TBRG4: variants seen among roughly 807,000 people sequenced by gnomAD.
TBRG4 encodes transforming growth factor beta regulator 4.
TBRG4 carries 43 observed loss-of-function variants against 65.6 expected under a neutral mutation model. That is an observed-to-expected ratio of 0.66 (90% CI 0.51 to 0.85). The LOEUF is 0.85. Ranked by LOEUF, TBRG4 falls within the 40% of genes least tolerant of loss-of-function variation. TBRG4 has a pLI of 0.00. For synonymous variants in TBRG4, 366 were observed against 341.4 expected, an observed-to-expected ratio of 1.07 and a Z score of -0.79; for missense variants, 709 against 787.9, an observed-to-expected ratio of 0.90 and a Z score of 1.20.
At chr7:45,104,804 CCT>C (rs1048595627) in intron 3 of TBRG4, 95 bp from the exon 4 acceptor site, 103 of 1,539,846 alleles carry the variant, frequency 6.7e-5, no homozygotes, top group Non-Finnish European at 8.2e-5. Flanking sequence ...CAGTGCAGCC[CCT>C]GTGACAGCCC....
In TBRG4 at chr7:45,105,671, C is replaced by T; in HGVS notation, c.505G>A (p.Glu169Lys). 1.2e-6 allele frequency: 2 copies of T among 1,614,076 alleles called. No homozygotes were observed. Among genetic ancestry groups the T allele is most frequent in the South Asian group, 2.2e-5 (2 of 91,084 alleles). The change falls in exon 3 of 11, where the codon GAG becomes AAG. Residue 169 changes from glutamate (E) to lysine (K), a missense_variant. Coordinates refer to ENST00000258770, the MANE Select transcript of TBRG4 (RefSeq NM_004749.4). ...PKASKELQSVEQEVRWRMRKL... is the reference protein window; with the variant it reads ...PKASKELQSVKQEVRWRMRKL... ...CGCATGCGCCAGCGGACCTCCTGCT[C>T]CACCGACTGCAGCTCCTTGGAGGCC... is the stretch of plus-strand genomic sequence containing the variant.
chr7:45,107,611 G>C lies in TBRG4; in HGVS notation c.411+1216C>G, dbSNP rs1251225900. On this transcript the variant is annotated intron_variant, in intron 2 of 10. Transcript: ENST00000258770. ...AGAAGCTGCTGTCTGAAGGGCTGGG[G>C]AGGAGGGAGAAAGTACTGGAGTAAA... 7.8e-5 allele frequency: 12 copies of C among 154,078 alleles called. No individual in the cohort carries two copies. In the East Asian group the frequency reaches 2.1e-3, roughly 27 times the overall value. 9.5% of individuals were successfully genotyped at this position (154,078 alleles called of 1,614,324 possible). A position where few individuals can be genotyped will look rare whatever the true frequency, so the allele number is the denominator to read the frequency against.
Position 45,105,512 on chromosome 7 carries a change from G to A in TBRG4, c.664C>T (p.His222Tyr). The stretch of plus-strand genomic sequence containing the variant: ...TTCATCATGACGGTCACTAATGTGT[G>A]GGAATCTTCAATTTCTGTCCAACGC... The part of the protein sequence containing the change: ...ERRWTEIEDS[H>Y]TLVTVMMKVG... Residue 222 changes from histidine (H) to tyrosine (Y), a missense_variant, in exon 3 of 11, where the codon CAC becomes TAC. Physicochemically the swap from His to Tyr is moderately conservative, Grantham distance 83. Coordinates refer to ENST00000258770, the MANE Select transcript of TBRG4 (RefSeq NM_004749.4). The A allele has an allele frequency of 3.1e-6, 5 of 1,614,160 alleles. No individual in the cohort carries two copies. The highest frequency in any genetic ancestry group is 1.3e-5 in the African/African-American group (1 of 75,058).
Position 45,111,659 on chromosome 7 carries a change from C to G in TBRG4, c.-67G>C. On this transcript the variant is annotated 5_prime_UTR_variant, in exon 1 of 11. Transcript: ENST00000258770. ...AAGACCTACGCAGCGAGCACCACCG[C>G]TGACCTCCATCCGCCGCCCTAACTG... The G allele has an allele frequency of 7.8e-7, 1 of 1,289,482 alleles. No individual in the cohort carries two copies. The highest frequency in any genetic ancestry group is 1.0e-6 in the Non-Finnish European group (1 of 988,870). 79.9% of individuals were successfully genotyped at this position (1,289,482 alleles called of 1,614,324 possible). A position where few individuals can be genotyped will look rare whatever the true frequency, so the allele number is the denominator to read the frequency against.
intron 10 of TBRG4, 113 bp downstream of exon 10, chr7:45,101,145 G>T: frequency 2.9e-6 from 3 of 1,023,292 alleles, no homozygotes; most frequent in Non-Finnish European, 4.2e-6. Context: ...GAGGCCCGGG[G>T]CCACGGGCAG....
At chr7:45,105,178 G>GA (rs1784900491) in intron 3 of TBRG4, 2 of 621,082 alleles carry the variant, frequency 3.2e-6, no homozygotes, top group East Asian at 5.5e-5. Flanking sequence ...GGGTTTGGGG[G>GA]AAAGATAAAG....
intron 1 of TBRG4, chr7:45,110,754 A>G (rs1785103388): frequency 6.6e-6 from 1 of 152,122 alleles, no homozygotes. Context: ...CCTAGGCCTC[A>G]TTTCTGCCAA....
chr7:45,102,290 G>A, intron 7 of TBRG4, 57 bp downstream of exon 7: 1 of 1,609,616 alleles, frequency 6.2e-7, no homozygotes, highest in Non-Finnish European at 8.5e-7. Flanking sequence ...CCTGGCACTA[G>A]GCAGACAAGA....
At chr7:45,110,572 C>A (rs536778030) in intron 1 of TBRG4, among the ~76,000 whole-genome samples, 17 of 149,548 alleles carry the variant, frequency 1.1e-4, no homozygotes, top group Middle Eastern at 3.4e-3. Context: ...GAGGGTGAGG[C>A]AGAGCTTGAA....
intron 1 of TBRG4, among the ~76,000 whole-genome samples, chr7:45,110,590 G>A (rs1173114630): frequency 6.6e-6 from 1 of 150,382 alleles, no homozygotes; most frequent in Non-Finnish European, 1.5e-5. Context: ...GAAGTGAGCC[G>A]AGATCGCGCC....
intron 10 of TBRG4, among the ~76,000 whole-genome samples, chr7:45,101,042 T>C (rs1584023536): frequency 6.6e-6 from 1 of 152,364 alleles, no homozygotes; most frequent in Non-Finnish European, 1.5e-5. Flanking sequence ...GTTGCCTTTT[T>C]GGGTTCACCC....
rs766470605 is a variant in TBRG4 at position 45,102,484 on chromosome 7, T to C, written c.1184A>G (p.Glu395Gly). Reference protein sequence around the residue: ...QEDQFFSLVHEKLGSELPGLE... With the variant: ...QEDQFFSLVHGKLGSELPGLE... ...GCCTGGCAGCTCTGACCCCAGCTTC[T>C]CATGTACCTGGGCAAGGATAGAGTG... The change falls in exon 7 of 11, where the codon GAG (glutamate) becomes GGG (glycine). Residue 395 changes from glutamate (E) to glycine (G), a missense_variant. By Grantham distance (98) the Glu-to-Gly change is moderately conservative. Coordinates refer to ENST00000258770, the MANE Select transcript of TBRG4 (RefSeq NM_004749.4). 6.2e-7 allele frequency: 1 copy of C among 1,610,120 alleles called. No homozygotes were observed. Among genetic ancestry groups the C allele is most frequent in the South Asian group, 1.1e-5 (1 of 91,014 alleles).
chr7:45,110,261 G>A (rs1388210028), intron 1 of TBRG4, among the ~76,000 whole-genome samples: 4 of 152,120 alleles, frequency 2.6e-5, no homozygotes, highest in Admixed American at 2.6e-4. Context: ...CTTGTTATCT[G>A]GGTCTCCTCC....
chr7:45,104,502 C>T (rs1197503774), intron 4 of TBRG4, 36 bp downstream of exon 4: 1 of 1,613,546 alleles, frequency 6.2e-7, no homozygotes, highest in Non-Finnish European at 8.5e-7. Context: ...AGGGCCAGCG[C>T]TCCCCTCTCT....
At chr7:45,105,000 C>A (rs777853504) in intron 3 of TBRG4, 5 of 741,758 alleles carry the variant, frequency 6.7e-6, no homozygotes, top group Admixed American at 5.2e-5. Context: ...CTGGGCCAGC[C>A]CCCGCTATGA....
chr7:45,108,883 C>A lies in TBRG4; in HGVS notation c.355G>T (p.Gly119Cys). 6.3e-7 allele frequency: 1 copy of A among 1,577,938 alleles called. No homozygotes were observed. Among genetic ancestry groups the A allele is most frequent in the Non-Finnish European group, 8.6e-7 (1 of 1,165,424 alleles). ...HLLSEKPEDK[G>C]LLIQDAHFHQ... is the part of the protein sequence containing the mutation. Reference sequence around the variant, plus strand: ...AAGTGGGCATCCTGTATGAGCAAGCCTTTATCTTCTGGCTTCTCAGACAGC... The same window carrying A: ...AAGTGGGCATCCTGTATGAGCAAGCATTTATCTTCTGGCTTCTCAGACAGC... The change falls in exon 2 of 11, where the codon GGC becomes TGC. Residue 119 changes from glycine (G) to cysteine (C), a missense_variant. By Grantham distance (159) the Gly-to-Cys change is radical. Coordinates refer to ENST00000258770, the MANE Select transcript of TBRG4 (RefSeq NM_004749.4).
chr7:45,103,204 C>A, intron 6 of TBRG4, 129 bp downstream of exon 6: 1 of 719,166 alleles, frequency 1.4e-6, no homozygotes, highest in Middle Eastern at 2.6e-4. Flanking sequence ...GTTCCCCCTG[C>A]CCTCCCATGC....
At chr7:45,103,768 C>A in intron 5 of TBRG4, 1 of 518,130 alleles carries the variant, frequency 1.9e-6, no homozygotes, top group East Asian at 3.3e-5. Flanking sequence ...TCTTTCTGTA[C>A]AGTTCCACTT....
chr7:45,108,521 G>A (rs1414423597), intron 2 of TBRG4, among the ~76,000 whole-genome samples: 1 of 152,190 alleles, frequency 6.6e-6, no homozygotes, highest in Non-Finnish European at 1.5e-5. Flanking sequence ...TACAAGTCAA[G>A]ACTATATGGT....
Sources: allele counts gnomAD v4.1 joint callset (sites outside exome capture counted in the v4.1 genomes callset), GRCh38; gene constraint gnomAD v4.1.1; transcripts MANE v1.5; gene names NCBI Gene and HGNC (gene_info 2026-07-23, HGNC 2026-07-21).